LSM14B: variants seen among roughly 807,000 people sequenced by gnomAD.
LSM14B encodes the protein LSM family member 14B.
A neutral mutation model predicts 42.1 loss-of-function variants in LSM14B; 8 were observed. That is an observed-to-expected ratio of 0.19 (90% CI 0.11 to 0.34). The LOEUF (loss-of-function observed/expected upper bound fraction) is 0.34. Among genes scored for constraint, LSM14B ranks in the 10% least tolerant of loss-of-function variants. LSM14B has a pLI of 1.00. For missense variants in LSM14B, 396 were observed against 513.1 expected, an observed-to-expected ratio of 0.77 and a Z score of 2.21; for synonymous variants, 219 against 209.7, an observed-to-expected ratio of 1.04 and a Z score of -0.38.
At chr20:62,132,212 G>T (rs1326932592) in intron 7 of LSM14B, among the ~76,000 whole-genome samples, 1 of 152,242 alleles carries the variant, frequency 6.6e-6, no homozygotes, top group Non-Finnish European at 1.5e-5. Context: ...GCTGTAACTC[G>T]ATGGGAAGTG....
intron 7 of LSM14B, among the ~76,000 whole-genome samples, chr20:62,132,229 C>T (rs1325747140): frequency 6.6e-6 from 1 of 152,232 alleles, no homozygotes; most frequent in Non-Finnish European, 1.5e-5. Flanking sequence ...AGTGGATGAT[C>T]AGTTCTCACA....
intron 8 of LSM14B, 103 bp downstream of exon 8, chr20:62,133,578 A>G: frequency 7.5e-7 from 1 of 1,342,082 alleles, no homozygotes. Context: ...CCCAGGAAGA[A>G]GAGAGGCCCA....
chr20:62,129,234 C>T (rs1261285409), intron 3 of LSM14B, among the ~76,000 whole-genome samples: 2 of 152,206 alleles, frequency 1.3e-5, no homozygotes, highest in Non-Finnish European at 2.9e-5. Flanking sequence ...GCTCCTGCTT[C>T]ATCATTTTTA....
chr20:62,127,076 G>A (rs1420779675), intron 3 of LSM14B, among the ~76,000 whole-genome samples: 1 of 152,236 alleles, frequency 6.6e-6, no homozygotes, highest in Non-Finnish European at 1.5e-5. Flanking sequence ...TACAGATGAA[G>A]TCTAGCTGTT....
chr20:62,129,732 A>G, intron 3 of LSM14B, 53 bp from the exon 4 acceptor site: 3 of 1,513,026 alleles, frequency 2.0e-6, no homozygotes, highest in Non-Finnish European at 2.7e-6. Flanking sequence ...TGGAGATATA[A>G]GGCTTGCTTC....
At chr20:62,124,290 A>G (rs1416279968) in intron 1 of LSM14B, among the ~76,000 whole-genome samples, 2 of 152,274 alleles carry the variant, frequency 1.3e-5, no homozygotes, top group African/African-American at 4.8e-5. Flanking sequence ...AAACGTGAAC[A>G]GGGAGGCCTT....
chr20:62,124,870 G>T, intron 2 of LSM14B, 90 bp downstream of exon 2: 1 of 1,297,764 alleles, frequency 7.7e-7, no homozygotes, highest in Non-Finnish European at 1.0e-6. Flanking sequence ...AACGCTCAAT[G>T]TGAGGAATAA....
rs567899008 is a variant in LSM14B at position 62,133,407 on chromosome 20, T to C, written c.1104T>C (p.Asn368=). The change falls in exon 8 of 9, where the codon AAT becomes AAC. Residue 368 remains asparagine, a synonymous_variant. Coordinates refer to ENST00000279068, the MANE Select transcript of LSM14B (RefSeq NM_144703.3). ...GCGGATTCCGAGGAGGCAGGGGCAA[T>C]GGGACCACCCGTCGCAACCCCACTT... is the stretch of plus-strand genomic sequence containing the variant. ...SRGGFRGGRG[N]GTTRRNPTSH... The C allele has an allele frequency of 1.9e-6, 3 of 1,613,152 alleles. No homozygotes were observed. In the East Asian group the frequency reaches 6.7e-5, roughly 36 times the overall value.
At chr20:62,133,559 G>A in intron 8 of LSM14B, 84 bp downstream of exon 8, 1 of 1,461,636 alleles carries the variant, frequency 6.8e-7, no homozygotes, top group African/African-American at 1.4e-5. Context: ...TGGGGAGCAG[G>A]CTCGGTTTCC....
At chr20:62,127,939 T>C in intron 3 of LSM14B, 1 of 662,438 alleles carries the variant, frequency 1.5e-6, no homozygotes, top group Non-Finnish European at 2.8e-6. Flanking sequence ...AGGTTCTCTG[T>C]TGACCTGTAC....
At position 62,134,692 on chromosome 20, in the gene LSM14B, T is replaced by G. The variant is rs2056858352; in HGVS notation, c.*544T>G. Reference sequence around the variant, plus strand: ...GTGGGTGGAGGGCACGGAAGGGGTTTTCCCATGGATCATGTTGTATAAGTG... The same window carrying G: ...GTGGGTGGAGGGCACGGAAGGGGTTGTCCCATGGATCATGTTGTATAAGTG... On this transcript the variant is annotated 3_prime_UTR_variant, in exon 9 of 9. Coordinates refer to ENST00000279068, the MANE Select transcript of LSM14B (RefSeq NM_144703.3). 1.8e-5 allele frequency: 4 copies of G among 216,512 alleles called. No homozygotes were observed. The highest frequency in any genetic ancestry group is 3.7e-5 in the Non-Finnish European group (4 of 107,762). 13.4% of individuals were successfully genotyped at this position (216,512 alleles called of 1,614,324 possible).
intron 7 of LSM14B, among the ~76,000 whole-genome samples, chr20:62,132,196 G>A (rs897659439): frequency 4.6e-5 from 7 of 152,250 alleles, no homozygotes; most frequent in African/African-American, 1.7e-4. Context: ...AGGGCGATGG[G>A]ATGGGGCTGT....
Position 62,129,920 on chromosome 20 carries a change from G to GC in LSM14B, c.563_564insC (p.Gln189SerfsTer26). ...ACCACAGGGACGCAGCTCAACGGTCGTCAGGCCCAGCCGAGCAGCAAGACG... is the reference window on the plus strand; with the variant it reads ...ACCACAGGGACGCAGCTCAACGGTCGCTCAGGCCCAGCCGAGCAGCAAGACG... On this transcript the variant is annotated frameshift_variant, in exon 4 of 9. Coordinates refer to ENST00000279068, the MANE Select transcript of LSM14B (RefSeq NM_144703.3). LOFTEE classifies it high-confidence loss of function. The GC allele has an allele frequency of 6.2e-7, 1 of 1,613,244 alleles. No homozygotes were observed. Among genetic ancestry groups the GC allele is most frequent in the Middle Eastern group, 1.7e-4 (1 of 6,054 alleles).
At chr20:62,128,909 A>G (rs1242046327) in intron 3 of LSM14B, 1 of 1,271,376 alleles carries the variant, frequency 7.9e-7, no homozygotes, top group African/African-American at 1.5e-5. Context: ...TCTAATAATA[A>G]TTACCCTGTG....
At chr20:62,127,546 G>C in intron 3 of LSM14B, 1 of 1,395,372 alleles carries the variant, frequency 7.2e-7, no homozygotes, top group Non-Finnish European at 9.9e-7. Flanking sequence ...ACTTATTTGT[G>C]TGCTTTCTTT....
intron 3 of LSM14B, among the ~76,000 whole-genome samples, chr20:62,127,111 T>G (rs1049577205): frequency 2.6e-4 from 39 of 152,244 alleles, no homozygotes; most frequent in African/African-American, 9.2e-4. Context: ...CCTGTAAATA[T>G]AGACGTGAAA....
Position 62,134,642 on chromosome 20 carries a change from AGGGTG to A in LSM14B, c.*496_*500del, listed in dbSNP as rs2056856682. Reference sequence around the variant, plus strand: ...CTCAGGAGTCAGGCAGGGCCAGCACAGGGTGGCGTGGGGGGCAGGGGTGGGTGGGT... The same window carrying A: ...CTCAGGAGTCAGGCAGGGCCAGCACAGCGTGGGGGGCAGGGGTGGGTGGGT... On this transcript the variant is annotated 3_prime_UTR_variant, in exon 9 of 9. Coordinates refer to ENST00000279068, the MANE Select transcript of LSM14B (RefSeq NM_144703.3). The A allele has an allele frequency of 7.0e-5, 1 of 14,302 alleles. No individual in the cohort carries two copies. Among genetic ancestry groups the A allele is most frequent in the African/African-American group, 3.5e-4 (1 of 2,872 alleles). The allele number at this position is 14,302 out of a possible 1,614,324, so 0.9% of individuals were successfully genotyped here.
chr20:62,131,443 C>T lies in LSM14B; in HGVS notation c.923C>T (p.Pro308Leu). Residue 308 changes from proline (P) to leucine (L), a missense_variant, in exon 7 of 9, where the codon CCC (proline) becomes CTC (leucine). By Grantham distance (98) the Pro-to-Leu change is moderately conservative. Transcript: ENST00000279068. ...CCCGCTGAGGAAGACCTTCTGGGGC[C>T]CAACTGCTACTATGACAAATCCAAG... is the stretch of plus-strand genomic sequence containing the variant. ...EAPAEEDLLG[P>L]NCYYDKSKSF... The T allele has an allele frequency of 6.2e-7, 1 of 1,613,876 alleles. No homozygotes were observed.
Position 62,130,718 on chromosome 20 carries a change from C to A in LSM14B, c.835+27C>A, listed in dbSNP as rs779601811. 13 of 1,607,546 alleles carry A rather than the reference C, an allele frequency of 8.1e-6. No homozygotes were observed. The highest frequency in any genetic ancestry group is 1.6e-4 in the Middle Eastern group (1 of 6,068). On this transcript the variant is annotated intron_variant, in intron 6 of 8. Coordinates refer to ENST00000279068, the MANE Select transcript of LSM14B (RefSeq NM_144703.3). This position sits in a 1 kb window ranked among gnomAD's most constrained non-coding sequence, Gnocchi z 4.1. ...TTTGGCTCATTATATGAAAATTATT[C>A]TCTGCACAGGAGTACCCCTAGAGAG... is the stretch of plus-strand genomic sequence containing the variant.
Sources: gnomAD v4.1 joint callset for allele counts (sites outside exome capture counted in the v4.1 genomes callset) on GRCh38, gnomAD v4.1.1 for gene constraint, Gnocchi (gnomAD v3.1) non-coding constraint, MANE v1.5 for transcripts, NCBI Gene and HGNC (gene_info 2026-07-23, HGNC 2026-07-21) for gene names.